Variants in FHIT observed in about 807,000 individuals in gnomAD.
FHIT encodes the protein fragile histidine triad diadenosine triphosphatase, also known as bis(5'-adenosyl)-triphosphatase.
In FHIT, 19 loss-of-function variants were observed where a neutral mutation model predicts 17.9. That is an observed-to-expected ratio of 1.06 (90% confidence interval 0.74 to 1.56). FHIT has a LOEUF of 1.56. Among genes scored for constraint, FHIT ranks in the 40% most tolerant of loss-of-function variants. The probability of loss-of-function intolerance (pLI) is 0.00; values close to 1 mark genes in which losing one functional copy is unlikely to be tolerated. For synonymous variants in FHIT, 81 were observed against 69.7 expected, an observed-to-expected ratio of 1.16 and a Z score of -0.81; for missense variants, 248 against 189.2, an observed-to-expected ratio of 1.31 and a Z score of -1.82.
At chr3:61,135,490 A>C (rs1017289617) in intron 2 of FHIT, among the ~76,000 whole-genome samples, 1 of 152,194 alleles carries the variant, frequency 6.6e-6, no homozygotes, top group Admixed American at 6.5e-5. Context: ...ACTGAGGCTT[A>C]GAGAGTTTTT....
Position 60,560,836 on chromosome 3 carries a change from CACACACACAG to C in FHIT, c.-17-23867_-17-23858del, listed in dbSNP as rs1287496788. Among the ~76,000 whole-genome samples the C allele has an allele frequency of 4.6e-3, 611 of 133,026 alleles. 1 individual carries two copies. Among genetic ancestry groups the C allele is most frequent in the African/African-American group, 0.017 (586 of 35,472 alleles). 87.3% of individuals were successfully genotyped at this position (133,026 alleles called of 152,430 possible). A position where few individuals can be genotyped will look rare whatever the true frequency, so the allele number is the denominator to read the frequency against. ...ACACACACACACACACACACACACA[CACACACACAG>C]AGAGAGAGAGAGTGTGTGTGTGTGT... is the stretch of plus-strand genomic sequence containing the variant. On this transcript the variant is annotated intron_variant, in intron 4 of 9. Transcript: ENST00000492590.
intron 5 of FHIT, among the ~76,000 whole-genome samples, chr3:60,064,707 C>T (rs1702427463): frequency 6.6e-6 from 1 of 152,202 alleles, no homozygotes; most frequent in African/African-American, 2.4e-5. Flanking sequence ...TGAGACTATA[C>T]TGGTCAAAGA....
At chr3:60,186,732 G>A (rs1273057673) in intron 5 of FHIT, among the ~76,000 whole-genome samples, 1 of 152,046 alleles carries the variant, frequency 6.6e-6, no homozygotes, top group Non-Finnish European at 1.5e-5. Context: ...GGTTGGGAAA[G>A]AGAAATTAGA....
At chr3:61,192,629 C>T (rs1041185632) in intron 2 of FHIT, among the ~76,000 whole-genome samples, 8 of 152,166 alleles carry the variant, frequency 5.3e-5, no homozygotes, top group South Asian at 2.1e-4. Flanking sequence ...AAGGCATCTT[C>T]GGTGATAAAT....
At chr3:60,840,161 T>C (rs1702672941) in intron 3 of FHIT, among the ~76,000 whole-genome samples, 1 of 152,062 alleles carries the variant, frequency 6.6e-6, no homozygotes, top group Admixed American at 6.5e-5. Context: ...CCATCAGAAA[T>C]GAAGGTGTGA....
chr3:61,190,985 G>T (rs912108720), intron 2 of FHIT, among the ~76,000 whole-genome samples: 1 of 151,664 alleles, frequency 6.6e-6, no homozygotes, highest in Admixed American at 6.6e-5. Flanking sequence ...AATGCTAAAT[G>T]ACGAGTTAAT....
intron 4 of FHIT, among the ~76,000 whole-genome samples, chr3:60,609,182 G>C (rs904348958): frequency 6.6e-6 from 1 of 152,092 alleles, no homozygotes; most frequent in Non-Finnish European, 1.5e-5. Context: ...CATTCCACCT[G>C]ACAGCTGCAT....
At chr3:60,123,390 T>C (rs72882762) in intron 5 of FHIT, among the ~76,000 whole-genome samples, 21,759 of 152,188 alleles carry the variant, frequency 0.14, 1,717 homozygotes, top group South Asian at 0.21. Context: ...ATAAACTCAT[T>C]CTAAAGTCAA....
At chr3:60,745,603 G>A (rs549366000) in intron 4 of FHIT, among the ~76,000 whole-genome samples, 1 of 152,158 alleles carries the variant, frequency 6.6e-6, no homozygotes, top group East Asian at 1.9e-4. Context: ...GGTAGATCCA[G>A]GTAGACCAAG....
intron 8 of FHIT, among the ~76,000 whole-genome samples, chr3:59,854,976 T>A (rs958277667): frequency 6.6e-6 from 1 of 152,178 alleles, no homozygotes. Context: ...CAGACCTGAT[T>A]ACTAAAAAGA....
At chr3:60,859,057 G>C (rs933831854) in intron 3 of FHIT, among the ~76,000 whole-genome samples, 4 of 152,142 alleles carry the variant, frequency 2.6e-5, no homozygotes, top group African/African-American at 9.7e-5. Context: ...AATTGTTTTA[G>C]CGGCTCTGGA....
chr3:59,861,459 C>T (rs944173130), intron 8 of FHIT, among the ~76,000 whole-genome samples: 35 of 152,174 alleles, frequency 2.3e-4, no homozygotes, highest in African/African-American at 7.7e-4. Context: ...TCAGTGCAAA[C>T]TTCCAGGGTG....
At chr3:60,143,738 G>A (rs1700127850) in intron 5 of FHIT, among the ~76,000 whole-genome samples, 2 of 151,916 alleles carry the variant, frequency 1.3e-5, no homozygotes. Flanking sequence ...TCATAACTTT[G>A]ATTTCTAAAC....
At chr3:61,141,768 T>G (rs979484842) in intron 2 of FHIT, among the ~76,000 whole-genome samples, 4 of 151,590 alleles carry the variant, frequency 2.6e-5, no homozygotes, top group Non-Finnish European at 5.9e-5. Flanking sequence ...CAGAGGAGGC[T>G]CCAGCTTTCT....
chr3:60,052,989 A>G (rs1382230622), intron 5 of FHIT, among the ~76,000 whole-genome samples: 1 of 151,934 alleles, frequency 6.6e-6, no homozygotes, highest in Non-Finnish European at 1.5e-5. Context: ...CTTCAGTATT[A>G]TATTTTCTCT....
At chr3:59,878,085 T>C (rs9841531) in intron 8 of FHIT, among the ~76,000 whole-genome samples, 15,363 of 152,156 alleles carry the variant, frequency 0.1, 2,538 homozygotes, top group African/African-American at 0.35. Context: ...TTAGAAAAAA[T>C]CTGCCTCATA....
At chr3:60,368,852 CT>C (rs948841014) in intron 5 of FHIT, among the ~76,000 whole-genome samples, 14 of 151,796 alleles carry the variant, frequency 9.2e-5, no homozygotes, top group African/African-American at 2.9e-4. Flanking sequence ...TTTTCTTAGT[CT>C]TTTTTTTCCT....
intron 4 of FHIT, among the ~76,000 whole-genome samples, chr3:60,581,100 A>T (rs1453400370): frequency 6.6e-6 from 1 of 152,096 alleles, no homozygotes; most frequent in Non-Finnish European, 1.5e-5. Flanking sequence ...ATGAATATGG[A>T]ATCTCAACCT....
At chr3:59,912,332 G>A (rs938127940) in intron 8 of FHIT, among the ~76,000 whole-genome samples, 11 of 152,164 alleles carry the variant, frequency 7.2e-5, no homozygotes, top group African/African-American at 2.4e-4. Context: ...CACCGCATGT[G>A]GATGGAAAAT....
Sources: allele counts gnomAD v4.1 joint callset (sites outside exome capture counted in the v4.1 genomes callset), GRCh38; gene constraint gnomAD v4.1.1; transcripts MANE v1.5; gene names NCBI Gene and HGNC (gene_info 2026-07-23, HGNC 2026-07-21).